LIPA: variants seen among roughly 807,000 people sequenced by gnomAD.
The protein encoded by LIPA is lysosomal acid lipase/cholesteryl ester hydrolase.
In LIPA, 26 loss-of-function variants were observed where a neutral mutation model predicts 40.6. That is an observed-to-expected ratio of 0.64 (90% CI 0.47 to 0.89). LIPA has a LOEUF of 0.89. LIPA is among the 40% of genes least tolerant of loss of function. LIPA has a pLI of 0.00. For missense variants in LIPA, 455 were observed against 479.6 expected (o/e 0.95, Z 0.48); for synonymous variants, 188 against 168.4 (o/e 1.12, Z -0.90).
At chr10:89,254,938 G>A (rs1411851338), upstream of LIPA, among the ~76,000 whole-genome samples, 1 of 152,072 alleles carries the variant, frequency 6.6e-6, no homozygotes, top group Non-Finnish European at 1.5e-5. Context: ...ATCTCCATCT[G>A]AGACCACCTC....
chr10:89,229,752 C>A (rs866121699), intron 3 of LIPA, among the ~76,000 whole-genome samples: 796 of 115,288 alleles, frequency 6.9e-3, no homozygotes, highest in Admixed American at 7.0e-3. Context: ...GACTCAGTCT[C>A]AAAAAAAAAA....
At chr10:89,281,742 G>A (rs1451896979) in intron 1 of LIPA, among the ~76,000 whole-genome samples, 1 of 152,210 alleles carries the variant, frequency 6.6e-6, no homozygotes, top group South Asian at 2.1e-4. Context: ...ACCAGTTTAG[G>A]TCATAAATGC....
At chr10:89,343,648 G>C (rs1843891488), upstream of LIPA, among the ~76,000 whole-genome samples, 1 of 152,188 alleles carries the variant, frequency 6.6e-6, no homozygotes, top group Non-Finnish European at 1.5e-5. Context: ...CATGTTCTGA[G>C]AGCCAACAGC....
At chr10:89,240,719 G>A (rs977971938) in intron 3 of LIPA, among the ~76,000 whole-genome samples, 5 of 152,186 alleles carry the variant, frequency 3.3e-5, no homozygotes, top group Non-Finnish European at 5.9e-5. Context: ...TTAATCATGA[G>A]GCAATACAGC....
At chr10:89,321,747 C>T (rs997394072) in intron 1 of LIPA, among the ~76,000 whole-genome samples, 9 of 152,220 alleles carry the variant, frequency 5.9e-5, no homozygotes, top group African/African-American at 2.2e-4. Context: ...ATAAATCATG[C>T]TGCTATAAAG....
intron 1 of LIPA, among the ~76,000 whole-genome samples, chr10:89,311,293 A>C (rs972485673): frequency 2.0e-5 from 3 of 152,056 alleles, no homozygotes; most frequent in African/African-American, 7.2e-5. Flanking sequence ...GAGGCCAAGG[A>C]GGGTAGATCA....
intron 2 of LIPA, among the ~76,000 whole-genome samples, chr10:89,379,706 T>C (rs73369727): frequency 0.034 from 5,154 of 151,846 alleles, 300 homozygotes; most frequent in African/African-American, 0.12. Flanking sequence ...AGTACCCAAG[T>C]CTCTCTTTTT....
chr10:89,349,361 G>T (rs1400932643), intron 2 of LIPA, among the ~76,000 whole-genome samples: 2 of 152,150 alleles, frequency 1.3e-5, no homozygotes, highest in Non-Finnish European at 2.9e-5. Context: ...TAAGCTTCTT[G>T]ATCTCACTGG....
chr10:89,326,591 TG>T (rs1005508472), intron 1 of LIPA, among the ~76,000 whole-genome samples: 1 of 152,152 alleles, frequency 6.6e-6, no homozygotes, highest in African/African-American at 2.4e-5. Context: ...AGAGTATAAT[TG>T]GATTGTTTGT....
Position 89,307,115 on chromosome 10 carries a change from T to G in LIPA, c.-2+35496A>C, listed in dbSNP as rs754754578. The G allele has an allele frequency of 3.7e-6, 6 of 1,614,008 alleles. No individual in the cohort carries two copies. The highest frequency in any genetic ancestry group is 5.1e-6 in the Non-Finnish European group (6 of 1,179,950). ...CAACTTTCAGCTGTACCAAATGAAG[T>G]GTGAAGACAAGGCCATCCACCACTT... On this transcript the variant is annotated intron_variant, in intron 1 of 5. Coordinates refer to the LIPA transcript ENST00000282673.
At chr10:89,251,467 G>T (rs1843119295) in intron 1 of LIPA, among the ~76,000 whole-genome samples, 1 of 150,102 alleles carries the variant, frequency 6.7e-6, no homozygotes, top group Non-Finnish European at 1.5e-5. Context: ...CGGAGACCGC[G>T]CCTGTCCAGG....
At chr10:89,346,377 C>A (rs899074376), upstream of LIPA, among the ~76,000 whole-genome samples, 2 of 152,174 alleles carry the variant, frequency 1.3e-5, no homozygotes, top group Non-Finnish European at 2.9e-5. Context: ...CACTAATATT[C>A]TTTTTCTAGT....
intron 3 of LIPA, among the ~76,000 whole-genome samples, chr10:89,240,565 G>A (rs558616139): frequency 3.3e-5 from 5 of 152,232 alleles, no homozygotes; most frequent in Non-Finnish European, 7.4e-5. Context: ...AACAGCCTAC[G>A]AAGTAGCCAG....
At chr10:89,247,432 A>G in intron 2 of LIPA, 106 bp downstream of exon 2, 1 of 684,330 alleles carries the variant, frequency 1.5e-6, no homozygotes, top group African/African-American at 1.8e-5. Context: ...TTGAAAAGCA[A>G]AGGAGTTATA....
At chr10:89,255,410 C>T (rs1283004631), upstream of LIPA, among the ~76,000 whole-genome samples, 2 of 152,068 alleles carry the variant, frequency 1.3e-5, no homozygotes, top group Admixed American at 6.5e-5. Flanking sequence ...GGGAAAACTG[C>T]CCCCCATGAT....
intron 2 of LIPA, among the ~76,000 whole-genome samples, chr10:89,406,921 T>A (rs186061115): frequency 3.9e-5 from 6 of 152,228 alleles, no homozygotes; most frequent in African/African-American, 1.4e-4. Context: ...TTGCTATTCA[T>A]CCTATTTTTC....
intron 2 of LIPA, among the ~76,000 whole-genome samples, chr10:89,408,200 A>AT (rs1213196133): frequency 1.3e-5 from 2 of 152,046 alleles, no homozygotes; most frequent in African/African-American, 4.8e-5. Flanking sequence ...GAGGTGGCTC[A>AT]TTTTTTTCTG....
At chr10:89,319,321 T>C (rs1007242813) in intron 1 of LIPA, among the ~76,000 whole-genome samples, 6 of 152,040 alleles carry the variant, frequency 3.9e-5, no homozygotes, top group Non-Finnish European at 8.8e-5. Context: ...CTAGCAAGAC[T>C]AATAAAGAAG....
intron 2 of LIPA, among the ~76,000 whole-genome samples, chr10:89,247,225 A>T (rs1371686057): frequency 6.6e-6 from 1 of 151,858 alleles, no homozygotes; most frequent in South Asian, 2.1e-4. Context: ...AAAAAAAATT[A>T]GCCAGGCATG....
Sources: gnomAD v4.1 joint callset for allele counts (sites outside exome capture counted in the v4.1 genomes callset) on GRCh38, gnomAD v4.1.1 for gene constraint, MANE v1.5 for transcripts, NCBI Gene and HGNC (gene_info 2026-07-23, HGNC 2026-07-21) for gene names.